The following NLN variants were observed in gnomAD, a reference collection of about 807,000 sequenced individuals.
NLN encodes the protein neurolysin, mitochondrial.
In NLN, 64 loss-of-function variants were observed where a neutral mutation model predicts 79.9. That is an observed-to-expected ratio of 0.80 (90% CI 0.65 to 0.99). The LOEUF (loss-of-function observed/expected upper bound fraction) is 0.99, where lower values mean the gene tolerates loss of function less well. NLN is among the 50% of genes least tolerant of loss of function. The probability of loss-of-function intolerance (pLI) is 0.00; values close to 1 mark genes in which losing one functional copy is unlikely to be tolerated. For missense variants in NLN, 835 were observed against 858.7 expected, an observed-to-expected ratio of 0.97 and a Z score of 0.34; for synonymous variants, 267 against 296.6, an observed-to-expected ratio of 0.90 and a Z score of 1.02.
chr5:65,777,218 C>T (rs1759698814), intron 3 of NLN, among the ~76,000 whole-genome samples: 1 of 152,178 alleles, frequency 6.6e-6, no homozygotes, highest in Admixed American at 6.5e-5. Context: ...TTCTAGTTAG[C>T]TTTTTATTTA....
At chr5:65,806,733 AGTGG>A (rs1396326920) in intron 9 of NLN, among the ~76,000 whole-genome samples, 15 of 152,222 alleles carry the variant, frequency 9.9e-5, no homozygotes, top group African/African-American at 3.1e-4. Flanking sequence ...TTGGTAGAGC[AGTGG>A]CAGGTATTGA....
intron 12 of NLN, among the ~76,000 whole-genome samples, chr5:65,816,869 G>A (rs112526003): frequency 3.9e-5 from 6 of 152,234 alleles, no homozygotes; most frequent in African/African-American, 1.2e-4. Context: ...AGAAGGTAGC[G>A]GGATGGCCCT....
intron 9 of NLN, among the ~76,000 whole-genome samples, chr5:65,806,997 T>G (rs1390094431): frequency 6.6e-6 from 1 of 151,878 alleles, no homozygotes; most frequent in Non-Finnish European, 1.5e-5. Context: ...GCCAACATGG[T>G]GAAACCCCAT....
At position 65,733,720 on chromosome 5, in the gene NLN, A is replaced by G. The variant is rs1758663703; in HGVS notation, c.41+11306A>G. ...ACCCTTGGGCACTAAAATCTAGGACACAGGTGCTTTTTTTTTTTTGATGGA... is the reference window on the plus strand; with the variant it reads ...ACCCTTGGGCACTAAAATCTAGGACGCAGGTGCTTTTTTTTTTTTGATGGA... On this transcript the variant is annotated intron_variant, in intron 1 of 12. Transcript: ENST00000380985. 2 of 1,246,976 alleles carry G rather than the reference A, an allele frequency of 1.6e-6. 1 individual carries two copies. Among genetic ancestry groups the G allele is most frequent in the Non-Finnish European group, 2.2e-6 (2 of 898,962 alleles). The allele number at this position is 1,246,976 out of a possible 1,614,324, so 77.2% of individuals were successfully genotyped here. A position where few individuals can be genotyped will look rare whatever the true frequency, so the allele number is the denominator to read the frequency against.
At chr5:65,799,376 G>A (rs1241763922) in intron 9 of NLN, among the ~76,000 whole-genome samples, 1 of 152,106 alleles carries the variant, frequency 6.6e-6, no homozygotes, top group Admixed American at 6.6e-5. Flanking sequence ...AGAATTTTAA[G>A]TATTGAAAAA....
chr5:65,821,410 A>G (rs1232950640), intron 12 of NLN, among the ~76,000 whole-genome samples: 4 of 152,326 alleles, frequency 2.6e-5, no homozygotes, highest in Admixed American at 6.5e-5. Context: ...GAGATGTACC[A>G]TAAGTATAAA....
intron 12 of NLN, among the ~76,000 whole-genome samples, chr5:65,818,083 C>G (rs1023133597): frequency 6.6e-6 from 1 of 152,208 alleles, no homozygotes; most frequent in African/African-American, 2.4e-5. Context: ...GATTTCCAAC[C>G]TACTTCTTGA....
At chr5:65,724,276 C>T (rs1758406769) in intron 1 of NLN, among the ~76,000 whole-genome samples, 1 of 152,138 alleles carries the variant, frequency 6.6e-6, no homozygotes, top group African/African-American at 2.4e-5. Context: ...CTCCCCCAAT[C>T]CCTGGTTAAC....
At chr5:65,820,754 A>T (rs1233286904) in intron 12 of NLN, among the ~76,000 whole-genome samples, 1 of 151,966 alleles carries the variant, frequency 6.6e-6, no homozygotes, top group Non-Finnish European at 1.5e-5. Flanking sequence ...CCGAAAGCTA[A>T]TTGAAGGCTG....
rs141862626 is a variant in NLN, at chr5:65,791,541, G to C, written c.1326-913G>C. ...CCACCGCACCCCAGCCTGGGCAACA[G>C]AGCAAGACTCCGTCTCAAAACAAGA... On this transcript the variant is annotated intron_variant, in intron 8 of 12. Coordinates refer to ENST00000380985, the MANE Select transcript of NLN (RefSeq NM_020726.5). 3.8e-3 allele frequency among the ~76,000 whole-genome samples: 576 copies of C among 152,228 alleles called. 2 individuals are homozygous for C. The highest frequency in any genetic ancestry group is 6.5e-3 in the Non-Finnish European group (440 of 68,002).
chr5:65,771,386 TAC>T (rs1196236474), intron 3 of NLN, among the ~76,000 whole-genome samples: 3 of 152,210 alleles, frequency 2.0e-5, no homozygotes, highest in Non-Finnish European at 4.4e-5. Flanking sequence ...GAGAAAAATG[TAC>T]AGTGTCTTCA....
chr5:65,807,653 C>T (rs1257513761), intron 9 of NLN, among the ~76,000 whole-genome samples: 2 of 152,114 alleles, frequency 1.3e-5, no homozygotes, highest in Non-Finnish European at 2.9e-5. Context: ...GTTGGCCAGG[C>T]TGGCTCGAAC....
chr5:65,722,517 GA>G, intron 1 of NLN, 103 bp downstream of exon 1: 1 of 1,094,040 alleles, frequency 9.1e-7, no homozygotes, highest in Non-Finnish European at 1.3e-6. Context: ...GCGCCTCTCC[GA>G]CGCTCCCGGG....
At chr5:65,797,180 C>T (rs1041950263) in intron 9 of NLN, among the ~76,000 whole-genome samples, 1 of 152,202 alleles carries the variant, frequency 6.6e-6, no homozygotes, top group Non-Finnish European at 1.5e-5. Flanking sequence ...AGCCTTTGAA[C>T]TTCTGTAGAA....
intron 11 of NLN, 143 bp from the exon 12 acceptor site, chr5:65,812,112 A>G: frequency 2.9e-6 from 2 of 685,548 alleles, no homozygotes; most frequent in Non-Finnish European, 5.1e-6. Flanking sequence ...AGGACACATC[A>G]GCCCAAGGAG....
intron 1 of NLN, among the ~76,000 whole-genome samples, chr5:65,726,981 C>G (rs1023095557): frequency 1.3e-5 from 2 of 151,482 alleles, no homozygotes; most frequent in Non-Finnish European, 2.9e-5. Context: ...TTCTTGTTGG[C>G]AGAGCTGCTA....
chr5:65,820,309 G>A (rs1171582493), intron 12 of NLN, among the ~76,000 whole-genome samples: 2 of 152,156 alleles, frequency 1.3e-5, no homozygotes, highest in African/African-American at 4.8e-5. Flanking sequence ...TTCTGCAGAC[G>A]AAATATTGAT....
intron 9 of NLN, among the ~76,000 whole-genome samples, chr5:65,795,786 T>C (rs1760162217): frequency 6.6e-6 from 1 of 152,250 alleles, no homozygotes; most frequent in African/African-American, 2.4e-5. Context: ...GGTTGACATT[T>C]CCTTTAATTA....
chr5:65,723,077 A>AACCTCACC (rs1380363867), intron 1 of NLN: 1 of 152,266 alleles, frequency 6.6e-6, no homozygotes, highest in African/African-American at 2.4e-5. Flanking sequence ...GACCAGTAGC[A>AACCTCACC]AGATGGTGAG....
Sources: gnomAD v4.1 joint callset for allele counts (sites outside exome capture counted in the v4.1 genomes callset) on GRCh38, gnomAD v4.1.1 for gene constraint, MANE v1.5 for transcripts, NCBI Gene and HGNC (gene_info 2026-07-23, HGNC 2026-07-21) for gene names.